The following IDE variants were observed in gnomAD, a reference collection of about 807,000 sequenced individuals.
IDE encodes the protein insulin-degrading enzyme.
IDE carries 58 observed loss-of-function variants against 133.2 expected under a neutral mutation model. The observed-to-expected ratio is 0.44, with a 90% CI of 0.35 to 0.54. The LOEUF is 0.54. IDE is among the 20% of genes least tolerant of loss of function. The pLI is 0.00. For missense variants in IDE, 981 were observed against 1,234.0 expected (o/e 0.79, Z 3.07); for synonymous variants, 396 against 421.3 (o/e 0.94, Z 0.73).
At chr10:92,516,153 C>G (rs1221771407) in intron 4 of IDE, among the ~76,000 whole-genome samples, 2 of 147,188 alleles carry the variant, frequency 1.4e-5, no homozygotes, top group African/African-American at 5.0e-5. Flanking sequence ...CCATTGCACT[C>G]TAGCCTGGGC....
chr10:92,495,214 G>A (rs1290173392), intron 11 of IDE, among the ~76,000 whole-genome samples: 1 of 125,738 alleles, frequency 8.0e-6, no homozygotes, highest in East Asian at 2.2e-4. Context: ...CATCACACTC[G>A]GCTTTTTTTT....
intron 12 of IDE, among the ~76,000 whole-genome samples, chr10:92,489,998 G>GT (rs1392593243): frequency 6.6e-6 from 1 of 152,164 alleles, no homozygotes; most frequent in Non-Finnish European, 1.5e-5. Context: ...ACAAAATATT[G>GT]TTTTAACATA....
intron 13 of IDE, among the ~76,000 whole-genome samples, chr10:92,486,897 G>C (rs991781393): frequency 2.0e-5 from 3 of 152,204 alleles, no homozygotes; most frequent in Non-Finnish European, 4.4e-5. Flanking sequence ...GTCTTCAGCA[G>C]ACATGGAAAA....
intron 4 of IDE, among the ~76,000 whole-genome samples, chr10:92,527,896 A>C (rs1182921888): frequency 6.6e-6 from 1 of 152,134 alleles, no homozygotes; most frequent in Non-Finnish European, 1.5e-5. Flanking sequence ...CGTGCCTGTA[A>C]TCCCAACTAC....
intron 8 of IDE, 122 bp downstream of exon 8, chr10:92,507,991 A>T (rs1848386774): frequency 2.7e-6 from 2 of 734,758 alleles, no homozygotes; most frequent in Non-Finnish European, 4.7e-6. Flanking sequence ...TACAATGGAT[A>T]AGTTGTATGA....
intron 11 of IDE, among the ~76,000 whole-genome samples, chr10:92,492,663 A>AC (rs1847428794): frequency 6.6e-6 from 1 of 151,834 alleles, no homozygotes; most frequent in African/African-American, 2.4e-5. Flanking sequence ...GTTCTCACCT[A>AC]CCCCCAGAGG....
intron 16 of IDE, among the ~76,000 whole-genome samples, 199 bp downstream of exon 16, chr10:92,475,685 G>A (rs1846217595): frequency 2.0e-5 from 3 of 152,062 alleles, no homozygotes; most frequent in African/African-American, 7.2e-5. Context: ...GAAGAGGCCA[G>A]GTGTCCACCA....
intron 15 of IDE, among the ~76,000 whole-genome samples, chr10:92,476,800 C>A (rs908544510): frequency 1.2e-4 from 19 of 152,138 alleles, no homozygotes; most frequent in African/African-American, 3.9e-4. Flanking sequence ...AAAAGAATAT[C>A]TAATGAAAGG....
At chr10:92,535,815 C>T (rs1024943885) in intron 2 of IDE, among the ~76,000 whole-genome samples, 6 of 152,160 alleles carry the variant, frequency 3.9e-5, no homozygotes, top group Non-Finnish European at 5.9e-5. Context: ...GTGGGTAGAT[C>T]ATCTGAGGTC....
At chr10:92,479,192 C>A in intron 15 of IDE, 85 bp downstream of exon 15, 9 of 895,990 alleles carry the variant, frequency 1.0e-5, no homozygotes, top group South Asian at 2.2e-5. Context: ...AGAAATTAAA[C>A]TCACACCCTC....
intron 8 of IDE, 67 bp from the exon 9 acceptor site, chr10:92,507,733 C>T: frequency 1.1e-6 from 1 of 894,874 alleles, no homozygotes; most frequent in Non-Finnish European, 1.9e-6. Context: ...GAGCTCACTC[C>T]TAAGGTAAAG....
rs555791503 is a variant in IDE at position 92,499,880 on chromosome 10, T to C, written c.1430+4914A>G. 1.9e-4 allele frequency among the ~76,000 whole-genome samples: 29 copies of C among 152,376 alleles called. No homozygotes were observed. The South Asian group carries it at 3.9e-3, about 21-fold the overall frequency. On this transcript the variant is annotated intron_variant, in intron 11 of 24. Coordinates refer to ENST00000265986, the MANE Select transcript of IDE (RefSeq NM_004969.4). ...GGTCTATGATCTATCTCAAATTTTA[T>C]AAATAGTATGAGGCAAAGGTCAAGT... is the stretch of plus-strand genomic sequence containing the variant.
intron 4 of IDE, among the ~76,000 whole-genome samples, chr10:92,523,373 CCT>C (rs910195287): frequency 3.3e-5 from 5 of 151,596 alleles, no homozygotes; most frequent in Non-Finnish European, 5.9e-5. Context: ...AGAAGGAAAC[CCT>C]GTCTCAAAGA....
intron 21 of IDE, among the ~76,000 whole-genome samples, chr10:92,462,561 C>T (rs920246702): frequency 6.6e-6 from 1 of 151,924 alleles, no homozygotes; most frequent in African/African-American, 2.4e-5. Flanking sequence ...AGCCGGAGAT[C>T]GTGCCATTGC....
intron 11 of IDE, among the ~76,000 whole-genome samples, chr10:92,502,202 T>C (rs913382173): frequency 5.9e-5 from 9 of 152,262 alleles, no homozygotes; most frequent in East Asian, 1.9e-4. Flanking sequence ...TATGATTACA[T>C]TGAGTCTATG....
intron 13 of IDE, 113 bp downstream of exon 13, chr10:92,487,083 G>T: frequency 1.0e-6 from 1 of 955,356 alleles, no homozygotes; most frequent in Non-Finnish European, 1.5e-6. Context: ...TCACCTATTA[G>T]GATGTGAGCC....
In IDE at chr10:92,463,711, G is replaced by A. The variant is rs775432097; in HGVS notation, c.2761+20C>T. On this transcript the variant is annotated intron_variant, in intron 21 of 24. Transcript: ENST00000265986. The stretch of plus-strand genomic sequence containing the variant: ...TGTTACTTGAATGCCATAAATGTTG[G>A]AGCCCTAATTTTACCTTACCTCTGT... The A allele has an allele frequency of 2.5e-6, 4 of 1,604,420 alleles. No individual in the cohort carries two copies. The highest frequency in any genetic ancestry group is 1.3e-5 in the African/African-American group (1 of 74,576).
chr10:92,472,474 T>C (rs1425841271), intron 17 of IDE, among the ~76,000 whole-genome samples: 4 of 152,216 alleles, frequency 2.6e-5, no homozygotes, highest in Non-Finnish European at 4.4e-5. Context: ...GTACCTGTTC[T>C]AGTAAGTGAT....
chr10:92,474,997 A>C (rs1846175002), intron 16 of IDE, 36 bp from the exon 17 acceptor site: 2 of 1,545,336 alleles, frequency 1.3e-6, no homozygotes. Flanking sequence ...AATTTTATAA[A>C]TCTTTTAAAA....
Sources: allele counts gnomAD v4.1 joint callset (sites outside exome capture counted in the v4.1 genomes callset), GRCh38; gene constraint gnomAD v4.1.1; transcripts MANE v1.5; gene names NCBI Gene and HGNC (gene_info 2026-07-23, HGNC 2026-07-21).